CNTN4: variants seen among roughly 807,000 people sequenced by gnomAD.
CNTN4 encodes the protein contactin-4.
In CNTN4, 77 loss-of-function variants were observed where a neutral mutation model predicts 122.5. That is an observed-to-expected ratio of 0.63 (90% confidence interval 0.52 to 0.76). The LOEUF (loss-of-function observed/expected upper bound fraction) is 0.76. CNTN4 is among the 30% of genes least tolerant of loss of function. CNTN4 has a pLI of 0.00. For missense variants in CNTN4, 1,256 were observed against 1,259.1 expected (o/e 1.00, Z 0.04); for synonymous variants, 512 against 447.0 (o/e 1.15, Z -1.83).
intron 3 of CNTN4, among the ~76,000 whole-genome samples, chr3:2,536,256 C>T (rs1011823383): frequency 1.3e-5 from 2 of 152,148 alleles, no homozygotes; most frequent in Non-Finnish European, 2.9e-5. Context: ...CCACAAAGTT[C>T]AACTGGATGG....
chr3:2,353,885 C>G (rs938249062), intron 3 of CNTN4, among the ~76,000 whole-genome samples: 1 of 151,770 alleles, frequency 6.6e-6, no homozygotes, highest in South Asian at 2.1e-4. Context: ...GGCGACAGAG[C>G]GAGACTCCGT....
At chr3:2,233,233 A>G (rs1421812510) in intron 2 of CNTN4, among the ~76,000 whole-genome samples, 2 of 152,134 alleles carry the variant, frequency 1.3e-5, no homozygotes, top group Non-Finnish European at 2.9e-5. Context: ...CAGATTCTTC[A>G]CTGATCCCTG....
In CNTN4 at chr3:3,014,047, T is replaced by C. The variant is rs376373046; in HGVS notation, c.1487-12055T>C. Among the ~76,000 whole-genome samples the C allele has an allele frequency of 6.1e-3, 888 of 146,516 alleles. 22 individuals are homozygous for C. Among genetic ancestry groups the C allele is most frequent in the Admixed American group, 0.042 (622 of 14,676 alleles). On this transcript the variant is annotated intron_variant, in intron 14 of 24. Transcript: ENST00000418658. The stretch of plus-strand genomic sequence containing the variant: ...TTATTGAGGAACAGACATTTAAATG[T>C]ACACACACACACACACACACACACA...
chr3:2,758,517 C>CTTTTTTT lies in CNTN4; in HGVS notation c.358+12832_358+12838dup, dbSNP rs34531341. Among the ~76,000 whole-genome samples, 67 of 124,234 alleles carry CTTTTTTT rather than the reference C, an allele frequency of 5.4e-4. 2 individuals are homozygous for CTTTTTTT. Among genetic ancestry groups the CTTTTTTT allele is most frequent in the Non-Finnish European group, 9.4e-4 (58 of 61,580 alleles). The allele number at this position is 124,234 out of a possible 152,430, so 81.5% of individuals were successfully genotyped here. On this transcript the variant is annotated intron_variant, in intron 6 of 24. Coordinates refer to ENST00000418658, the MANE Select transcript of CNTN4 (RefSeq NM_175607.3). ...GTTGCCTCTTACTTTCAACACCATA[C>CTTTTTTT]TTTTTTTTTTTTTTTTTTGAGACGG...
intron 2 of CNTN4, among the ~76,000 whole-genome samples, chr3:2,122,186 G>C (rs1469418377): frequency 1.3e-5 from 2 of 151,986 alleles, no homozygotes; most frequent in African/African-American, 4.8e-5. Flanking sequence ...TTCTTTAAAG[G>C]TTATTTGTCT....
At position 2,897,309 on chromosome 3, in the gene CNTN4, T is replaced by G. The variant is rs181671972; in HGVS notation, c.941-3376T>G. ...ATTTGAATTTGTAGTTTGAGAACAA[T>G]ACTTAAGGAGTCCTAGAAGAATTCT... On this transcript the variant is annotated intron_variant, in intron 10 of 24. Transcript: ENST00000418658. 6.0e-4 allele frequency among the ~76,000 whole-genome samples: 91 copies of G among 152,264 alleles called. 2 individuals are homozygous for G. The highest frequency in any genetic ancestry group is 1.2e-4 in the Non-Finnish European group (8 of 68,014).
intron 2 of CNTN4, among the ~76,000 whole-genome samples, chr3:2,146,736 G>A (rs2035262796): frequency 6.6e-6 from 1 of 152,112 alleles, no homozygotes; most frequent in East Asian, 1.9e-4. Flanking sequence ...CCTGATATGT[G>A]TCAGTTATAT....
At chr3:2,402,626 T>A (rs192234492) in intron 3 of CNTN4, among the ~76,000 whole-genome samples, 3 of 152,246 alleles carry the variant, frequency 2.0e-5, no homozygotes, top group South Asian at 2.1e-4. Context: ...TGACCCTACT[T>A]GTGCTACTGA....
intron 3 of CNTN4, among the ~76,000 whole-genome samples, chr3:2,527,232 T>G (rs1450297956): frequency 6.6e-6 from 1 of 152,200 alleles, no homozygotes; most frequent in African/African-American, 2.4e-5. Context: ...GTTTTCCAGC[T>G]GAGGGCTGTG....
At chr3:2,758,293 G>A (rs2090430842) in intron 6 of CNTN4, among the ~76,000 whole-genome samples, 1 of 152,118 alleles carries the variant, frequency 6.6e-6, no homozygotes, top group South Asian at 2.1e-4. Flanking sequence ...AATAAATGAA[G>A]CTGAATGAAC....
intron 14 of CNTN4, among the ~76,000 whole-genome samples, chr3:2,994,676 A>G (rs1292008824): frequency 1.3e-5 from 2 of 151,800 alleles, no homozygotes; most frequent in East Asian, 1.9e-4. Flanking sequence ...ATTGCGCACT[A>G]TATAAAATTC....
intron 4 of CNTN4, among the ~76,000 whole-genome samples, chr3:2,672,794 G>GT (rs751696934): frequency 1.1e-4 from 16 of 152,108 alleles, no homozygotes; most frequent in Admixed American, 9.8e-4. Context: ...CCCTTAATTG[G>GT]TTTTTTAACA....
chr3:2,444,268 G>A (rs1157704979), intron 3 of CNTN4, among the ~76,000 whole-genome samples: 1 of 151,238 alleles, frequency 6.6e-6, no homozygotes, highest in Non-Finnish European at 1.5e-5. Context: ...GTAATGAAAA[G>A]TGCTATGAAG....
intron 8 of CNTN4, among the ~76,000 whole-genome samples, chr3:2,881,766 T>C (rs2093913110): frequency 7.1e-6 from 1 of 141,326 alleles, no homozygotes; most frequent in African/African-American, 2.7e-5. Context: ...CTCTTTGTGA[T>C]TGCACCTGTC....
rs771520571 is a variant in CNTN4 at position 2,866,754 on chromosome 3, C to A, written c.457C>A (p.Leu153Met). 2.5e-6 allele frequency: 4 copies of A among 1,613,514 alleles called. No homozygotes were observed. The highest frequency in any genetic ancestry group is 1.3e-5 in the African/African-American group (1 of 74,902). ...AATGAAGATTTTTTTCCTTTCAGAG[C>A]TGAGTTATGCCTGGATCTTCAATGA... ...LCGPPPHSGE[L>M]SYAWIFNEYP... Residue 153 changes from leucine (L) to methionine (M), a missense_variant and splice_region_variant, in exon 8 of 25, where the codon CTG becomes ATG. Transcript: ENST00000418658.
In CNTN4 at chr3:2,411,163, G is replaced by T. The variant is rs185104534; in HGVS notation, c.-89+71930G>T. 1.0e-3 allele frequency among the ~76,000 whole-genome samples: 158 copies of T among 152,250 alleles called. 2 individuals carry two copies. Among genetic ancestry groups the T allele is most frequent in the African/African-American group, 3.6e-3 (148 of 41,554 alleles). On this transcript the variant is annotated intron_variant, in intron 3 of 24. Coordinates refer to ENST00000418658, the MANE Select transcript of CNTN4 (RefSeq NM_175607.3). Reference sequence around the variant, plus strand: ...CAGACACAGGGCAACACACACTAGGGCCTATCGGGGTCAGGGGCAGGATGA... The same window carrying T: ...CAGACACAGGGCAACACACACTAGGTCCTATCGGGGTCAGGGGCAGGATGA...
intron 7 of CNTN4, among the ~76,000 whole-genome samples, chr3:2,835,197 G>A (rs1388840130): frequency 6.6e-6 from 1 of 151,942 alleles, no homozygotes; most frequent in South Asian, 2.1e-4. Context: ...GAGCCACCTC[G>A]CCCGGCAGAT....
chr3:2,960,275 T>C (rs567773866), intron 13 of CNTN4, among the ~76,000 whole-genome samples: 6 of 152,332 alleles, frequency 3.9e-5, no homozygotes, highest in African/African-American at 1.2e-4. Context: ...TATGTAATAA[T>C]GACTAATGCC....
chr3:2,200,361 A>T (rs1297402029), intron 2 of CNTN4, among the ~76,000 whole-genome samples: 2 of 152,190 alleles, frequency 1.3e-5, no homozygotes, highest in Non-Finnish European at 2.9e-5. Context: ...TAAAATGGGG[A>T]TTACAGATAA....
Sources: allele counts gnomAD v4.1 joint callset (sites outside exome capture counted in the v4.1 genomes callset), GRCh38; gene constraint gnomAD v4.1.1; transcripts MANE v1.5; gene names NCBI Gene and HGNC (gene_info 2026-07-23, HGNC 2026-07-21).